Variants in DAB1 observed in about 807,000 individuals in gnomAD.
DAB1 encodes DAB adaptor protein 1.
DAB1 carries 15 observed loss-of-function variants against 64.6 expected under a neutral mutation model. The observed-to-expected ratio is 0.23, with a 90% CI of 0.16 to 0.36. DAB1 has a LOEUF of 0.36. DAB1 is among the 10% of genes least tolerant of loss of function. The pLI is 1.00. For synonymous variants in DAB1, 235 were observed against 251.9 expected (o/e 0.93, Z 0.64); for missense variants, 596 against 706.7 (o/e 0.84, Z 1.78).
rs61528761 is a variant in DAB1, at chr1:57,585,248, GAAAAAAAA to G, written n.625+64336_625+64343del. On this transcript the variant is annotated intron_variant and non_coding_transcript_variant, in intron 7 of 20. Coordinates refer to the DAB1 transcript ENST00000485760. ...TGGGCGACAGGATGAGACTCTTTCTGAAAAAAAAAAAAAAAAAAAAAAAAAAAGACTTA... is the reference window on the plus strand; with the variant it reads ...TGGGCGACAGGATGAGACTCTTTCTGAAAAAAAAAAAAAAAAAAAGACTTA... Among the ~76,000 whole-genome samples the G allele has an allele frequency of 9.3e-4, 41 of 44,284 alleles. No individual in the cohort carries two copies. The East Asian group carries it at 0.03, about 32-fold the overall frequency. The allele number at this position is 44,284 out of a possible 152,430, so 29.1% of individuals were successfully genotyped here. A position where few individuals can be genotyped will look rare whatever the true frequency, so the allele number is the denominator to read the frequency against.
intron 5 of DAB1, among the ~76,000 whole-genome samples, chr1:58,090,693 TAG>T (rs1360976566): frequency 6.6e-6 from 1 of 152,160 alleles, no homozygotes; most frequent in Non-Finnish European, 1.5e-5. Flanking sequence ...ACTACTCATT[TAG>T]GGAGGGACAA....
chr1:57,353,548 G>A (rs779265803), intron 1 of DAB1, among the ~76,000 whole-genome samples: 40 of 152,126 alleles, frequency 2.6e-4, no homozygotes, highest in African/African-American at 3.6e-4. Flanking sequence ...GATTTTTGTC[G>A]TTTGCTGAGT....
At chr1:57,162,377 G>A (rs2100890409) in intron 2 of DAB1, among the ~76,000 whole-genome samples, 1 of 152,344 alleles carries the variant, frequency 6.6e-6, no homozygotes, top group East Asian at 1.9e-4. Context: ...TGCAAAGAAG[G>A]AGGAAGCAGG....
chr1:57,568,027 A>G (rs1363618460), intron 7 of DAB1, among the ~76,000 whole-genome samples: 3 of 152,210 alleles, frequency 2.0e-5, no homozygotes, highest in East Asian at 1.9e-4. Context: ...CTCAACCTAT[A>G]CTATAAGGCT....
At chr1:57,431,356 A>G (rs1462117409) in intron 7 of DAB1, among the ~76,000 whole-genome samples, 12 of 152,124 alleles carry the variant, frequency 7.9e-5, no homozygotes, top group Admixed American at 7.9e-4. Context: ...GAAAACAAAT[A>G]TTTTGCAAAT....
At position 57,042,420 on chromosome 1, in the gene DAB1, A is replaced by T. The variant is rs561468783; in HGVS notation, c.724-16377T>A. ...TTATTTATCAAGAAAACTATAACATACCCCTAGAGGACATGTTATCTCTAG... is the reference window on the plus strand; with the variant it reads ...TTATTTATCAAGAAAACTATAACATTCCCCTAGAGGACATGTTATCTCTAG... On this transcript the variant is annotated intron_variant, in intron 9 of 14. Transcript: ENST00000371236. 3.9e-5 allele frequency among the ~76,000 whole-genome samples: 6 copies of T among 152,214 alleles called. No homozygotes were observed. The East Asian group carries it at 1.2e-3, about 29-fold the overall frequency.
At chr1:57,765,693 C>CAG (rs1444390420) in intron 6 of DAB1, among the ~76,000 whole-genome samples, 3 of 152,184 alleles carry the variant, frequency 2.0e-5, no homozygotes, top group Non-Finnish European at 4.4e-5. Context: ...CTATGCAGCA[C>CAG]AGCTACCCAC....
chr1:58,475,471 TAATTA>T (rs1174994432), intron 3 of DAB1, among the ~76,000 whole-genome samples: 2 of 140,874 alleles, frequency 1.4e-5, no homozygotes, highest in East Asian at 2.0e-4. Context: ...TGAATTAGGT[TAATTA>T]AACACACACA....
chr1:57,946,982 C>T (rs1374767979), intron 5 of DAB1, among the ~76,000 whole-genome samples: 5 of 151,912 alleles, frequency 3.3e-5, no homozygotes, highest in Admixed American at 3.3e-4. Flanking sequence ...TTTTTCAAGC[C>T]CTTTATTCTA....
At chr1:58,421,269 C>T (rs1644769197) in intron 3 of DAB1, among the ~76,000 whole-genome samples, 1 of 152,158 alleles carries the variant, frequency 6.6e-6, no homozygotes, top group Admixed American at 6.5e-5. Context: ...ATTAATACTG[C>T]TAATAATACC....
chr1:57,916,147 G>A (rs1296367946), intron 5 of DAB1, among the ~76,000 whole-genome samples: 1 of 152,156 alleles, frequency 6.6e-6, no homozygotes, highest in Non-Finnish European at 1.5e-5. Flanking sequence ...TAAAGTAATA[G>A]GCAAAAGTCC....
intron 7 of DAB1, among the ~76,000 whole-genome samples, chr1:57,588,569 C>G (rs1345987945): frequency 6.6e-6 from 1 of 152,146 alleles, no homozygotes; most frequent in African/African-American, 2.4e-5. Flanking sequence ...TCCTTATCTG[C>G]TTACATTAGG....
intron 7 of DAB1, among the ~76,000 whole-genome samples, chr1:57,646,502 C>T (rs1646192499): frequency 6.6e-6 from 1 of 152,100 alleles, no homozygotes; most frequent in Admixed American, 6.5e-5. Context: ...AATTCCAGCA[C>T]TTTGGGAGAC....
intron 1 of DAB1, among the ~76,000 whole-genome samples, chr1:57,404,157 G>T (rs1047447306): frequency 6.6e-6 from 1 of 152,068 alleles, no homozygotes; most frequent in African/African-American, 2.4e-5. Context: ...TTATGATACA[G>T]GCATGTAAAA....
chr1:57,431,143 C>CAAAAAAAAAAAAAA (rs77701798), intron 7 of DAB1, among the ~76,000 whole-genome samples: 14 of 96,270 alleles, frequency 1.5e-4, no homozygotes, highest in African/African-American at 5.2e-4. Flanking sequence ...AGGCCAAAAA[C>CAAAAAAAAAAAAAA]AAAAAAAAAA....
At chr1:57,570,167 T>G (rs1645177601) in intron 7 of DAB1, among the ~76,000 whole-genome samples, 1 of 152,052 alleles carries the variant, frequency 6.6e-6, no homozygotes, top group African/African-American at 2.4e-5. Context: ...CACAATCTAA[T>G]CAGCTGCCAG....
At chr1:57,342,780 G>T (rs1303816429) in intron 1 of DAB1, among the ~76,000 whole-genome samples, 1 of 150,136 alleles carries the variant, frequency 6.7e-6, no homozygotes, top group South Asian at 2.1e-4. Flanking sequence ...GGACCTTCGC[G>T]GTGAGCGTTA....
chr1:58,302,970 C>T lies in DAB1; in HGVS notation n.309+40382G>A, dbSNP rs75650677. ...GTCTGTTTGCATCCAGATCTGTTCCCCACCTTTCCTCTATTCTGCTTTTAT... is the reference window on the plus strand; with the variant it reads ...GTCTGTTTGCATCCAGATCTGTTCCTCACCTTTCCTCTATTCTGCTTTTAT... On this transcript the variant is annotated intron_variant and non_coding_transcript_variant, in intron 4 of 20. Coordinates refer to the DAB1 transcript ENST00000485760. Among the ~76,000 whole-genome samples, 1,252 of 152,164 alleles carry T rather than the reference C, an allele frequency of 8.2e-3. 9 individuals carry two copies. Among genetic ancestry groups the T allele is most frequent in the Middle Eastern group, 0.017 (5 of 292 alleles).
chr1:57,363,359 T>C (rs1250740978), intron 1 of DAB1, among the ~76,000 whole-genome samples: 2 of 152,108 alleles, frequency 1.3e-5, no homozygotes, highest in Non-Finnish European at 1.5e-5. Flanking sequence ...GAGAGAGGCA[T>C]GTGAGTGAGG....
Sources: gnomAD v4.1 joint callset for allele counts (sites outside exome capture counted in the v4.1 genomes callset) on GRCh38, gnomAD v4.1.1 for gene constraint, MANE v1.5 for transcripts, NCBI Gene and HGNC (gene_info 2026-07-23, HGNC 2026-07-21) for gene names.